The following CLPTM1L variants were observed in gnomAD, a reference collection of about 807,000 sequenced individuals.
CLPTM1L encodes the protein CLPTM1 like, also known as lipid scramblase CLPTM1L.
A neutral mutation model predicts 70.9 loss-of-function variants in CLPTM1L; 38 were observed. The observed-to-expected ratio is 0.54, with a 90% CI of 0.41 to 0.70. The LOEUF (loss-of-function observed/expected upper bound fraction) is 0.70, where lower values mean the gene tolerates loss of function less well. CLPTM1L is among the 30% of genes least tolerant of loss of function. The pLI is 0.00. For synonymous variants in CLPTM1L, 339 were observed against 299.9 expected, an observed-to-expected ratio of 1.13 and a Z score of -1.35; for missense variants, 652 against 705.9, an observed-to-expected ratio of 0.92 and a Z score of 0.87.
rs761297678 is a variant in CLPTM1L at position 1,321,635 on chromosome 5, C to T, written c.1416G>A (p.Lys472=). ...AHLPWKAFTY[K]AFNTFIDDVF... is the part of the protein sequence containing the mutation. The stretch of plus-strand genomic sequence containing the variant: ...ATTCCTCACCGGCTGTCACACTCAC[C>T]TTGTAGGTGAAGGCCTTCCAGGGCA... The change falls in exon 15 of 17, where the codon AAG becomes AAA. Residue 472 remains lysine, a splice_region_variant and synonymous_variant. Coordinates refer to ENST00000320895, the MANE Select transcript of CLPTM1L (RefSeq NM_030782.5). The T allele has an allele frequency of 2.5e-6, 4 of 1,613,798 alleles. No individual in the cohort carries two copies. The South Asian group carries it at 4.4e-5, about 18-fold the overall frequency.
chr5:1,326,138 CA>C (rs1417115425), intron 9 of CLPTM1L: 1 of 367,004 alleles, frequency 2.7e-6, no homozygotes, highest in Non-Finnish European at 5.0e-6. Flanking sequence ...GCCACTCGGG[CA>C]GCCCTGGAGC....
chr5:1,327,716 G>C (rs1204965470), intron 9 of CLPTM1L, among the ~76,000 whole-genome samples: 3 of 128,760 alleles, frequency 2.3e-5, no homozygotes, highest in Non-Finnish European at 3.3e-5. Flanking sequence ...TCCTCTACAG[G>C]GACATTTCAT....
Position 1,341,834 on chromosome 5 carries a change from T to C in CLPTM1L, c.290A>G (p.Lys97Arg). Residue 97 changes from lysine (K) to arginine (R), a missense_variant, in exon 3 of 17, where the codon AAA (lysine) becomes AGA (arginine). Physicochemically the swap from Lys to Arg is conservative, Grantham distance 26. Around this residue, in one of 3 missense-constraint regions of CLPTM1L, gnomAD observed 402 missense variants for 388.2 expected, o/e 1.04. Transcript: ENST00000320895. ...ERTVNVSVPK[K>R]TRNNGTLYAY... ...ATACAGCGTCCCATTGTTTCTCGTT[T>C]TCTTTGGTACAGAAACATTAACTGT... 4 of 1,613,782 alleles carry C rather than the reference T, an allele frequency of 2.5e-6. No homozygotes were observed. Among genetic ancestry groups the C allele is most frequent in the Non-Finnish European group, 3.4e-6 (4 of 1,179,736 alleles).
At chr5:1,324,860 C>A (rs1277289156) in intron 10 of CLPTM1L, 47 bp from the exon 11 acceptor site, 2 of 1,542,868 alleles carry the variant, frequency 1.3e-6, no homozygotes, top group Non-Finnish European at 9.0e-7. Context: ...CAGGGAGGAT[C>A]TGAGCACAGC....
chr5:1,320,937 C>T lies in CLPTM1L; in HGVS notation c.1417-206G>A, dbSNP rs144636362. ...TGGGCTCCCCACAGCTGCTGGCACC[C>T]GACACACTGCGGGTCTTGCCCAGGC... On this transcript the variant is annotated intron_variant, in intron 15 of 16. Coordinates refer to ENST00000320895, the MANE Select transcript of CLPTM1L (RefSeq NM_030782.5). Among the ~76,000 whole-genome samples, 1,010 of 152,324 alleles carry T rather than the reference C, an allele frequency of 6.6e-3. 7 individuals are homozygous for T. The highest frequency in any genetic ancestry group is 0.022 in the African/African-American group (931 of 41,558).
At chr5:1,338,696 A>G (rs539873206) in intron 4 of CLPTM1L, among the ~76,000 whole-genome samples, 164 bp downstream of exon 4, 1 of 152,330 alleles carries the variant, frequency 6.6e-6, no homozygotes, top group African/African-American at 2.4e-5. Context: ...CTGTGGTAGC[A>G]GCACAACCTC....
At chr5:1,321,485 T>A (rs1220340864) in intron 15 of CLPTM1L, 150 bp downstream of exon 15, 4 of 701,106 alleles carry the variant, frequency 5.7e-6, no homozygotes, top group African/African-American at 3.6e-5. Flanking sequence ...CTTTTTTTTT[T>A]AAAGGAGCCT....
chr5:1,340,591 G>A (rs919753849), intron 3 of CLPTM1L, among the ~76,000 whole-genome samples: 3 of 152,228 alleles, frequency 2.0e-5, no homozygotes, highest in African/African-American at 4.8e-5. Context: ...GGAGAGGAGG[G>A]ATGGGGGCCC....
chr5:1,337,902 A>G lies in CLPTM1L; in HGVS notation c.678+2T>C. The G allele has an allele frequency of 1.3e-6, 2 of 1,591,984 alleles. No individual in the cohort carries two copies. Among genetic ancestry groups the G allele is most frequent in the Non-Finnish European group, 1.7e-6 (2 of 1,171,352 alleles). Reference sequence around the variant, plus strand: ...CAACCAGCGGGCAGAGGTGTCACTCACCATCAGGTCCTTCACGCGGTTGCT... The same window carrying G: ...CAACCAGCGGGCAGAGGTGTCACTCGCCATCAGGTCCTTCACGCGGTTGCT... On this transcript the variant is annotated splice_donor_variant, in intron 5 of 16. Coordinates refer to ENST00000320895, the MANE Select transcript of CLPTM1L (RefSeq NM_030782.5). LOFTEE classifies it high-confidence loss of function.
intron 8 of CLPTM1L, 110 bp downstream of exon 8, chr5:1,331,689 A>G: frequency 1.1e-6 from 1 of 919,610 alleles, no homozygotes; most frequent in East Asian, 2.4e-5. Context: ...CCAAGCACAC[A>G]CCCGGGGCTG....
chr5:1,322,293 G>A (rs1235823542), intron 13 of CLPTM1L, among the ~76,000 whole-genome samples: 1 of 152,202 alleles, frequency 6.6e-6, no homozygotes, highest in African/African-American at 2.4e-5. Flanking sequence ...GGCTGGTCTG[G>A]TGGGGCTGGG....
chr5:1,323,096 CCGGCCGGGCAGCAG>C (rs1398468029), intron 12 of CLPTM1L, among the ~76,000 whole-genome samples, 185 bp from the exon 13 acceptor site: 1 of 152,154 alleles, frequency 6.6e-6, no homozygotes, highest in African/African-American at 2.4e-5. Context: ...CTGAGCACCC[CCGGCCGGGCAGCAG>C]AGGCCGGGCA....
At chr5:1,324,398 G>A (rs1404247736) in intron 11 of CLPTM1L, among the ~76,000 whole-genome samples, 1 of 152,252 alleles carries the variant, frequency 6.6e-6, no homozygotes, top group Non-Finnish European at 1.5e-5. Context: ...ATTCCTCCAG[G>A]CCACTGTGCG....
intron 9 of CLPTM1L, among the ~76,000 whole-genome samples, chr5:1,326,785 C>T (rs1752599042): frequency 6.6e-6 from 1 of 150,450 alleles, no homozygotes; most frequent in Non-Finnish European, 1.5e-5. Context: ...TCCTCCTCTA[C>T]AGGGACATTT....
rs866723582 is a variant in CLPTM1L at position 1,345,002 on chromosome 5, C to G, written c.-161G>C. On this transcript the variant is annotated 5_prime_UTR_variant, in exon 1 of 17. Transcript: ENST00000320895. ...AACGAATGCGCCGCGCGCCGCAGAC[C>G]GCCGGCCGCCCCGCATGCTCCGGCC... 4.2e-6 allele frequency: 1 copy of G among 240,460 alleles called. No homozygotes were observed. Among genetic ancestry groups the G allele is most frequent in the East Asian group, 1.8e-4 (1 of 5,476 alleles). 14.9% of individuals were successfully genotyped at this position (240,460 alleles called of 1,614,324 possible). A position where few individuals can be genotyped will look rare whatever the true frequency, so the allele number is the denominator to read the frequency against.
At chr5:1,321,401 AG>A (rs1395614248) in intron 15 of CLPTM1L, among the ~76,000 whole-genome samples, 1 of 152,242 alleles carries the variant, frequency 6.6e-6, no homozygotes, top group Non-Finnish European at 1.5e-5. Flanking sequence ...AAAAAGAAAA[AG>A]AAAACCAAAT....
intron 7 of CLPTM1L, 187 bp from the exon 8 acceptor site, chr5:1,332,070 G>T: frequency 1.7e-6 from 1 of 598,542 alleles, no homozygotes; most frequent in Non-Finnish European, 3.0e-6. Flanking sequence ...AGAACCTAGA[G>T]TGCCCAGGCG....
intron 1 of CLPTM1L, 75 bp from the exon 2 acceptor site, chr5:1,344,526 G>T (rs1754151766): frequency 6.7e-7 from 1 of 1,494,836 alleles, no homozygotes. Context: ...CGGCCAGCTG[G>T]AGGGCGGAAG....
Position 1,331,898 on chromosome 5 carries a change from C to A in CLPTM1L, c.892-15G>T, listed in dbSNP as rs376367501. On this transcript the variant is annotated splice_polypyrimidine_tract_variant and intron_variant, in intron 7 of 16. Transcript: ENST00000320895. ...TCAAAGAGAAGCTAGAGAGAACACA[C>A]ACGACAGCAACTCACATCTCCTGCT... The A allele has an allele frequency of 6.2e-7, 1 of 1,605,686 alleles. No individual in the cohort carries two copies. The highest frequency in any genetic ancestry group is 8.5e-7 in the Non-Finnish European group (1 of 1,173,210).
Sources: gnomAD v4.1 joint callset for allele counts (sites outside exome capture counted in the v4.1 genomes callset) on GRCh38, gnomAD v4.1.1 for gene constraint, gnomAD v4.1.1 regional missense constraint, MANE v1.5 for transcripts, NCBI Gene and HGNC (gene_info 2026-07-23, HGNC 2026-07-21) for gene names.